Variants in SLC7A14 observed in about 807,000 individuals in gnomAD.
SLC7A14 encodes the protein solute carrier family 7 member 14, also known as gamma-aminobutyric acid transporter SLC7A14.
Under a neutral mutation model 60.2 loss-of-function variants are expected in SLC7A14, and 37 were observed. The ratio of observed to expected loss-of-function variants is 0.61; its 90% CI spans 0.47 to 0.81. SLC7A14 has a LOEUF of 0.81. SLC7A14 is among the 30% of genes least tolerant of loss of function. The pLI is 0.00. For missense variants in SLC7A14, 886 were observed against 982.7 expected (o/e 0.90, Z 1.32); for synonymous variants, 399 against 395.8 (o/e 1.01, Z -0.10).
intron 1 of SLC7A14, among the ~76,000 whole-genome samples, chr3:170,584,289 G>A (rs903279020): frequency 1.4e-4 from 22 of 152,136 alleles, no homozygotes; most frequent in African/African-American, 5.1e-4. Context: ...GGGAAAGAAG[G>A]GTTCTAAGAA....
chr3:170,527,484 C>T (rs966331756), intron 1 of SLC7A14, among the ~76,000 whole-genome samples: 1 of 152,190 alleles, frequency 6.6e-6, no homozygotes, highest in African/African-American at 2.4e-5. Context: ...GGAAAGTGCT[C>T]ATCCATCTCA....
At chr3:170,521,003 C>T (rs1577533685) in intron 2 of SLC7A14, among the ~76,000 whole-genome samples, 1 of 152,194 alleles carries the variant, frequency 6.6e-6, no homozygotes, top group Non-Finnish European at 1.5e-5. Flanking sequence ...AACCTATTTC[C>T]TCTATCTAGT....
At chr3:170,472,480 T>G (rs1192370625) in intron 7 of SLC7A14, among the ~76,000 whole-genome samples, 3 of 150,972 alleles carry the variant, frequency 2.0e-5, no homozygotes, top group Non-Finnish European at 4.4e-5. Flanking sequence ...AAAGTCTGTT[T>G]AAAGGCCGGG....
At chr3:170,512,535 T>C (rs1713011253) in intron 2 of SLC7A14, among the ~76,000 whole-genome samples, 1 of 152,118 alleles carries the variant, frequency 6.6e-6, no homozygotes, top group Non-Finnish European at 1.5e-5. Flanking sequence ...TCCCCTATCC[T>C]GTGATACAAA....
At chr3:170,528,531 T>C (rs892388307) in intron 1 of SLC7A14, among the ~76,000 whole-genome samples, 19 of 152,350 alleles carry the variant, frequency 1.2e-4, no homozygotes, top group African/African-American at 4.6e-4. Context: ...GCACTTAATG[T>C]AGCACTTGTC....
At chr3:170,578,806 A>T (rs114479643) in intron 1 of SLC7A14, among the ~76,000 whole-genome samples, 1,526 of 152,320 alleles carry the variant, frequency 0.01, 34 homozygotes, top group African/African-American at 0.035. Flanking sequence ...GAACCATAGA[A>T]TGTTATGGCT....
chr3:170,474,561 T>TC (rs1201839345), intron 7 of SLC7A14, among the ~76,000 whole-genome samples: 2 of 151,956 alleles, frequency 1.3e-5, no homozygotes, highest in Non-Finnish European at 2.9e-5. Flanking sequence ...CGTTTTTTTT[T>TC]CCTCTGCCTC....
chr3:170,500,963 TAGAG>T (rs1411212237), intron 3 of SLC7A14, 142 bp downstream of exon 3: 1 of 709,704 alleles, frequency 1.4e-6, no homozygotes, highest in African/African-American at 1.8e-5. Context: ...GATAGATTCA[TAGAG>T]AAAGAATTAC....
At chr3:170,551,750 G>T (rs1374677536) in intron 1 of SLC7A14, among the ~76,000 whole-genome samples, 1 of 151,978 alleles carries the variant, frequency 6.6e-6, no homozygotes, top group Non-Finnish European at 1.5e-5. Context: ...TCTTTTTATT[G>T]TTGAGTCATA....
In SLC7A14 at chr3:170,523,827, G is replaced by A. The variant is rs188763539; in HGVS notation, c.304+2806C>T. On this transcript the variant is annotated intron_variant, in intron 2 of 7. Coordinates refer to ENST00000231706, the MANE Select transcript of SLC7A14 (RefSeq NM_020949.3). Reference sequence around the variant, plus strand: ...ATATGGGGATGATGATGTGAAAGTGGAAAAAAGACACTGGAGCAGCACTTC... The same window carrying A: ...ATATGGGGATGATGATGTGAAAGTGAAAAAAAGACACTGGAGCAGCACTTC... 5.5e-3 allele frequency among the ~76,000 whole-genome samples: 836 copies of A among 152,250 alleles called. 9 individuals are homozygous for A. The highest frequency in any genetic ancestry group is 4.3e-3 in the Non-Finnish European group (290 of 68,016).
intron 7 of SLC7A14, among the ~76,000 whole-genome samples, chr3:170,471,808 A>G (rs1311719087): frequency 1.3e-5 from 2 of 152,192 alleles, no homozygotes; most frequent in African/African-American, 4.8e-5. Context: ...CACAAATAAT[A>G]CTATTTATTC....
At position 170,570,707 on chromosome 3, in the gene SLC7A14, A is replaced by G. The variant is rs189015064; in HGVS notation, c.-153+15204T>C. On this transcript the variant is annotated intron_variant, in intron 1 of 7. Coordinates refer to ENST00000231706, the MANE Select transcript of SLC7A14 (RefSeq NM_020949.3). ...CTGGTAAAGTATTTCATTGTGGGGA[A>G]TGAGATGCATTTTCACTTTGTACTG... 2.6e-5 allele frequency among the ~76,000 whole-genome samples: 4 copies of G among 152,322 alleles called. No individual in the cohort carries two copies. The East Asian group carries it at 5.8e-4, about 22-fold the overall frequency.
Position 170,467,324 on chromosome 3 carries a change from C to G in SLC7A14, c.2047G>C (p.Ala683Pro), listed in dbSNP as rs777189956. ...CTTTGGTGCAGGGCCTCTTCTCGAG[C>G]GCTGATTTCCAGGGTGCTGTTCCAG... The part of the protein sequence containing the change: ...GIWNSTLEIS[A>P]REEALHQSTY... Residue 683 changes from alanine (A) to proline (P), a missense_variant, in exon 8 of 8, where the codon GCT becomes CCT. Ala to Pro is a conservative substitution (Grantham distance 27). Transcript: ENST00000231706. 1 of 1,613,008 alleles carries G rather than the reference C, an allele frequency of 6.2e-7. No homozygotes were observed. Among genetic ancestry groups the G allele is most frequent in the South Asian group, 1.1e-5 (1 of 90,892 alleles).
At chr3:170,523,743 G>T (rs1396373391) in intron 2 of SLC7A14, among the ~76,000 whole-genome samples, 1 of 152,136 alleles carries the variant, frequency 6.6e-6, no homozygotes, top group African/African-American at 2.4e-5. Context: ...TGAAGATATA[G>T]GAGAGTTTGA....
chr3:170,468,000 T>C (rs776680087), intron 7 of SLC7A14, among the ~76,000 whole-genome samples: 1 of 152,244 alleles, frequency 6.6e-6, no homozygotes, highest in East Asian at 1.9e-4. Context: ...TTCTTCTGTG[T>C]GCTCTCAGAG....
chr3:170,515,079 G>A (rs187687243), intron 2 of SLC7A14, among the ~76,000 whole-genome samples: 14 of 152,144 alleles, frequency 9.2e-5, no homozygotes, highest in East Asian at 1.9e-4. Flanking sequence ...TTGGGAGGCC[G>A]AGGCAGGTGG....
intron 1 of SLC7A14, among the ~76,000 whole-genome samples, chr3:170,548,872 A>C (rs1714252481): frequency 6.7e-6 from 1 of 148,922 alleles, no homozygotes; most frequent in Admixed American, 6.8e-5. Context: ...CACGTTATGT[A>C]ATAAATTAAT....
At chr3:170,502,562 A>G (rs1393376490) in intron 2 of SLC7A14, among the ~76,000 whole-genome samples, 3 of 152,070 alleles carry the variant, frequency 2.0e-5, no homozygotes, top group African/African-American at 7.2e-5. Context: ...CAGGGGTGGG[A>G]TGTAAGAGGA....
At chr3:170,581,222 A>T (rs879680293) in intron 1 of SLC7A14, among the ~76,000 whole-genome samples, 1 of 152,192 alleles carries the variant, frequency 6.6e-6, no homozygotes, top group Non-Finnish European at 1.5e-5. Context: ...TGATTGATCT[A>T]TGAGAATGGA....
Sources: gnomAD v4.1 joint callset for allele counts (sites outside exome capture counted in the v4.1 genomes callset) on GRCh38, gnomAD v4.1.1 for gene constraint, MANE v1.5 for transcripts, NCBI Gene and HGNC (gene_info 2026-07-23, HGNC 2026-07-21) for gene names.